PCSK5: variants seen among roughly 807,000 people sequenced by gnomAD.
PCSK5 encodes the protein proprotein convertase subtilisin/kexin type 5.
In PCSK5, 129 loss-of-function variants were observed where a neutral mutation model predicts 233.2. The ratio of observed to expected loss-of-function variants is 0.55; its 90% confidence interval spans 0.48 to 0.64. The LOEUF (loss-of-function observed/expected upper bound fraction) is 0.64. PCSK5 is among the 30% of genes least tolerant of loss of function. PCSK5 has a pLI of 0.00. For synonymous variants in PCSK5, 825 were observed against 879.2 expected, an observed-to-expected ratio of 0.94 and a Z score of 1.09; for missense variants, 2,076 against 2,430.1, an observed-to-expected ratio of 0.85 and a Z score of 3.06.
chr9:76,174,079 G>C (rs1448022172), intron 13 of PCSK5, among the ~76,000 whole-genome samples: 1 of 152,164 alleles, frequency 6.6e-6, no homozygotes, highest in African/African-American at 2.4e-5. Context: ...TTGAGCACTG[G>C]AAATATGGTT....
intron 2 of PCSK5, among the ~76,000 whole-genome samples, chr9:75,979,434 T>C (rs1299927470): frequency 6.6e-6 from 1 of 152,162 alleles, no homozygotes; most frequent in African/African-American, 2.4e-5. Flanking sequence ...AGGGACAAGT[T>C]CAGCTGGAAC....
intron 5 of PCSK5, among the ~76,000 whole-genome samples, chr9:76,056,800 A>AT (rs969796194): frequency 3.3e-4 from 50 of 152,070 alleles, no homozygotes; most frequent in East Asian, 2.5e-3. Flanking sequence ...AATAAGAGGC[A>AT]TTTTTTTTAA....
At chr9:76,218,498 T>G (rs1173297214) in intron 20 of PCSK5, among the ~76,000 whole-genome samples, 1 of 151,884 alleles carries the variant, frequency 6.6e-6, no homozygotes, top group Non-Finnish European at 1.5e-5. Flanking sequence ...TTCTGGTGCT[T>G]AAATTCCTTG....
At chr9:75,939,653 G>C (rs1002356643) in intron 2 of PCSK5, among the ~76,000 whole-genome samples, 8 of 151,972 alleles carry the variant, frequency 5.3e-5, no homozygotes, top group Non-Finnish European at 1.2e-4. Context: ...AGTAGGGTAG[G>C]GCATATTTGA....
intron 21 of PCSK5, among the ~76,000 whole-genome samples, chr9:76,229,470 C>A (rs558108352): frequency 6.6e-6 from 1 of 152,330 alleles, no homozygotes; most frequent in Non-Finnish European, 1.5e-5. Flanking sequence ...CATTGCCCAA[C>A]CTAATTTCCC....
intron 9 of PCSK5, among the ~76,000 whole-genome samples, chr9:76,116,550 T>C (rs137865322): frequency 9.8e-4 from 149 of 152,134 alleles, no homozygotes; most frequent in Non-Finnish European, 1.7e-3. Flanking sequence ...TGTTCCCCCT[T>C]GAGTGTGGAG....
intron 2 of PCSK5, among the ~76,000 whole-genome samples, chr9:75,978,657 T>A (rs996517551): frequency 6.6e-6 from 1 of 152,144 alleles, no homozygotes; most frequent in Admixed American, 6.5e-5. Flanking sequence ...CCAGAAAGAA[T>A]TACTTTGTTT....
At chr9:76,081,788 T>A (rs190543082) in intron 7 of PCSK5, among the ~76,000 whole-genome samples, 101 of 152,212 alleles carry the variant, frequency 6.6e-4, no homozygotes, top group Non-Finnish European at 9.7e-4. Flanking sequence ...TCACCCAGTC[T>A]CCCTTCCTAA....
rs1266691162 is a variant in PCSK5, at chr9:76,122,809, ATTTTTTCTTTT to A, written c.1209-11282_1209-11272del. Among the ~76,000 whole-genome samples the A allele has an allele frequency of 1.0e-3, 129 of 127,454 alleles. 1 individual carries two copies. The highest frequency in any genetic ancestry group is 3.3e-3 in the African/African-American group (113 of 34,536). 83.6% of individuals were successfully genotyped at this position (127,454 alleles called of 152,430 possible). ...ACTACTGTGCTTCCATCAGTTACTT[ATTTTTTCTTTT>A]TTTTTTCTTTTTTTTTTTTTTTTAA... is the stretch of plus-strand genomic sequence containing the variant. On this transcript the variant is annotated intron_variant, in intron 9 of 37. Coordinates refer to ENST00000674117, the MANE Select transcript of PCSK5 (RefSeq NM_001372043.1).
intron 26 of PCSK5, among the ~76,000 whole-genome samples, chr9:76,295,674 GAT>G (rs1161155822): frequency 1.3e-5 from 2 of 152,222 alleles, no homozygotes; most frequent in African/African-American, 4.8e-5. Flanking sequence ...ATTGGATGGA[GAT>G]AGAGAGTGGG....
intron 2 of PCSK5, among the ~76,000 whole-genome samples, chr9:75,941,997 T>G (rs543541049): frequency 2.2e-4 from 33 of 152,318 alleles, no homozygotes; most frequent in African/African-American, 7.7e-4. Context: ...TGCCAAATCT[T>G]TATTAGAGAG....
chr9:76,148,769 T>A (rs928130119), intron 10 of PCSK5, among the ~76,000 whole-genome samples: 12 of 152,228 alleles, frequency 7.9e-5, no homozygotes, highest in Non-Finnish European at 2.9e-5. Context: ...CTCACATGCC[T>A]GCACCATTGC....
intron 9 of PCSK5, among the ~76,000 whole-genome samples, chr9:76,125,475 C>G (rs1832811064): frequency 1.3e-5 from 2 of 152,276 alleles, no homozygotes; most frequent in South Asian, 4.1e-4. Flanking sequence ...TGAGGAAGAT[C>G]GTTAAACTTT....
chr9:76,321,879 A>G (rs1829216250), intron 31 of PCSK5, among the ~76,000 whole-genome samples: 2 of 152,164 alleles, frequency 1.3e-5, no homozygotes, highest in South Asian at 4.1e-4. Flanking sequence ...TCACCCCCAT[A>G]TGTACACACA....
intron 20 of PCSK5, among the ~76,000 whole-genome samples, chr9:76,206,321 T>C (rs1185120605): frequency 2.0e-5 from 3 of 152,242 alleles, no homozygotes; most frequent in Non-Finnish European, 4.4e-5. Flanking sequence ...GGATAAAGTA[T>C]TAAATCTCTC....
intron 12 of PCSK5, among the ~76,000 whole-genome samples, chr9:76,162,650 A>G (rs1162585803): frequency 2.0e-5 from 3 of 152,296 alleles, no homozygotes; most frequent in Non-Finnish European, 2.9e-5. Context: ...AGAGAAGTCA[A>G]GATTTCTCAG....
intron 1 of PCSK5, among the ~76,000 whole-genome samples, chr9:75,895,100 C>T (rs1221331916): frequency 1.3e-5 from 2 of 152,156 alleles, no homozygotes; most frequent in African/African-American, 4.8e-5. Flanking sequence ...TGAATAACAC[C>T]TCTGAAGGAT....
chr9:75,911,642 T>C (rs1822743506), intron 1 of PCSK5, among the ~76,000 whole-genome samples: 1 of 152,136 alleles, frequency 6.6e-6, no homozygotes, highest in East Asian at 1.9e-4. Context: ...GGTTCTTGAG[T>C]TGACTGCTGG....
At chr9:75,964,590 A>G (rs1237685774) in intron 2 of PCSK5, among the ~76,000 whole-genome samples, 1 of 152,192 alleles carries the variant, frequency 6.6e-6, no homozygotes, top group Non-Finnish European at 1.5e-5. Flanking sequence ...TGTGCTTTGC[A>G]CCTGGGATGT....
Sources: gnomAD v4.1 joint callset for allele counts (sites outside exome capture counted in the v4.1 genomes callset) on GRCh38, gnomAD v4.1.1 for gene constraint, MANE v1.5 for transcripts, NCBI Gene and HGNC (gene_info 2026-07-23, HGNC 2026-07-21) for gene names.